The following PCDHA3 variants were observed in gnomAD, a reference collection of about 807,000 sequenced individuals.
PCDHA3 encodes protocadherin alpha 3, also known as protocadherin alpha-3.
In PCDHA3, 41 loss-of-function variants were observed where a neutral mutation model predicts 62.2. The observed-to-expected ratio is 0.66, with a 90% confidence interval of 0.51 to 0.86. The LOEUF (loss-of-function observed/expected upper bound fraction) is 0.86. Ranked by LOEUF, PCDHA3 falls within the 40% of genes least tolerant of loss-of-function variation. The pLI is 0.00. For missense variants in PCDHA3, 1,304 were observed against 1,241.2 expected, an observed-to-expected ratio of 1.05 and a Z score of -0.76; for synonymous variants, 640 against 555.4, an observed-to-expected ratio of 1.15 and a Z score of -2.14.
chr5:140,980,695 G>A (rs1403740157), intron 2 of PCDHA3, among the ~76,000 whole-genome samples: 1 of 149,792 alleles, frequency 6.7e-6, no homozygotes, highest in Non-Finnish European at 1.5e-5. Context: ...AAAAAAAAAA[G>A]CCAAATGTGC....
chr5:140,959,578 A>G (rs1554224156), intron 1 of PCDHA3, among the ~76,000 whole-genome samples: 1 of 152,188 alleles, frequency 6.6e-6, no homozygotes, highest in Non-Finnish European at 1.5e-5. Flanking sequence ...TTTTGTTTCA[A>G]TTCTATCAGC....
intron 3 of PCDHA3, among the ~76,000 whole-genome samples, chr5:141,008,546 A>G (rs2098381708): frequency 6.6e-6 from 1 of 150,382 alleles, no homozygotes; most frequent in Non-Finnish European, 1.5e-5. Flanking sequence ...TTTATTGAAA[A>G]CTCCTGTGGA....
chr5:140,821,522 C>A, intron 1 of PCDHA3: 3 of 409,570 alleles, frequency 7.3e-6, no homozygotes, highest in East Asian at 3.9e-5. Flanking sequence ...TAAAGCAAAA[C>A]AAAATAAAAC....
At chr5:140,878,103 G>GA (rs748975221) in intron 1 of PCDHA3, 34 of 261,730 alleles carry the variant, frequency 1.3e-4, no homozygotes, top group Non-Finnish European at 2.0e-4. Context: ...GATGAACCTT[G>GA]AAAAAAACAG....
At chr5:140,803,926 A>G (rs1763304913) in intron 1 of PCDHA3, 2 of 470,048 alleles carry the variant, frequency 4.3e-6, no homozygotes, top group South Asian at 2.6e-5. Flanking sequence ...CTTGTTTTAT[A>G]CTTATCCCTA....
chr5:140,882,450 C>T (rs781827745), intron 1 of PCDHA3: 2 of 1,613,990 alleles, frequency 1.2e-6, no homozygotes, highest in Non-Finnish European at 1.7e-6. Flanking sequence ...GAGCTGGTGC[C>T]GCGCCTGTTC....
intron 1 of PCDHA3, chr5:140,877,580 C>T (rs559831598): frequency 2.5e-6 from 4 of 1,613,804 alleles, no homozygotes; most frequent in African/African-American, 1.3e-5. Context: ...CTCATCATCG[C>T]CATCTGTGCG....
intron 1 of PCDHA3, chr5:140,809,439 C>G (rs1187355294): frequency 6.2e-7 from 1 of 1,614,202 alleles, no homozygotes; most frequent in East Asian, 2.2e-5. Flanking sequence ...TGGTCATACT[C>G]GCAGCAGAGG....
intron 1 of PCDHA3, chr5:140,808,398 A>G (rs781853303): frequency 1.9e-6 from 3 of 1,614,148 alleles, no homozygotes; most frequent in Non-Finnish European, 2.5e-6. Context: ...TTCAAGAATT[A>G]CTACTCGTTG....
At chr5:140,856,956 T>C (rs781976306) in intron 1 of PCDHA3, 1 of 1,593,360 alleles carries the variant, frequency 6.3e-7, no homozygotes, top group South Asian at 1.1e-5. Context: ...GAAATAAAAG[T>C]AAATGATGCT....
chr5:140,994,732 G>T (rs1159331502), intron 3 of PCDHA3, among the ~76,000 whole-genome samples: 3 of 152,114 alleles, frequency 2.0e-5, no homozygotes, highest in Non-Finnish European at 4.4e-5. Flanking sequence ...ACTGGGTATT[G>T]CAGGATGGCA....
intron 1 of PCDHA3, among the ~76,000 whole-genome samples, chr5:140,911,895 T>C (rs1289494210): frequency 1.3e-5 from 2 of 152,184 alleles, no homozygotes; most frequent in East Asian, 3.8e-4. Flanking sequence ...AAAATCTGTA[T>C]TAGTCAGAGC....
intron 1 of PCDHA3, among the ~76,000 whole-genome samples, chr5:140,942,273 G>C (rs1360564646): frequency 6.6e-6 from 1 of 152,132 alleles, no homozygotes; most frequent in South Asian, 2.1e-4. Context: ...AGCTGGTAAT[G>C]GTGGCTCATG....
rs782673373 is a variant in PCDHA3 at position 140,858,110 on chromosome 5, G to A, written c.2394+54519G>A. On this transcript the variant is annotated intron_variant, in intron 1 of 3. Transcript: ENST00000522353. ...GCGGGCTTCAGTGGGCGTGGCGCCC[G>A]AGGTGGCCCTGGTGGATGTCAACGT... 5.6e-6 allele frequency: 9 copies of A among 1,597,760 alleles called. 1 individual carries two copies. The highest frequency in any genetic ancestry group is 3.4e-5 in the Admixed American group (2 of 59,350).
At chr5:140,829,637 A>G in intron 1 of PCDHA3, 2 of 1,612,300 alleles carry the variant, frequency 1.2e-6, no homozygotes, top group Non-Finnish European at 1.7e-6. Context: ...GGAGAGCGGC[A>G]AGGTGTACGC....
Position 140,802,474 on chromosome 5 carries a change from C to G in PCDHA3, c.1277C>G (p.Thr426Ser), listed in dbSNP as rs1296125051. Reference protein sequence around the residue: ...ESVSAYELVVTARDGGSPSLW... With the variant: ...ESVSAYELVVSARDGGSPSLW... ...GTGTCGGCCTATGAGCTGGTGGTGA[C>G]TGCTCGGGACGGGGGCTCGCCTTCA... Residue 426 changes from threonine to serine, a missense_variant, in exon 1 of 4, where the codon ACT (threonine) becomes AGT (serine). Thr to Ser is a moderately conservative substitution (Grantham distance 58, BLOSUM62 1). Transcript: ENST00000522353. The G allele has an allele frequency of 1.9e-6, 3 of 1,614,108 alleles. No individual in the cohort carries two copies. In the African/African-American group the frequency reaches 4.0e-5, roughly 22 times the overall value.
intron 1 of PCDHA3, chr5:140,857,355 C>T: frequency 6.3e-7 from 1 of 1,598,292 alleles, no homozygotes. Flanking sequence ...CCGCTGTGGG[C>T]CACGGCCAGC....
intron 1 of PCDHA3, chr5:140,877,765 C>T (rs377126743): frequency 4.3e-6 from 7 of 1,614,176 alleles, no homozygotes; most frequent in Non-Finnish European, 5.1e-6. Context: ...AGAGAGCCCG[C>T]CCAAGACGGA....
intron 1 of PCDHA3, chr5:140,858,164 T>C: frequency 6.3e-7 from 1 of 1,597,740 alleles, no homozygotes; most frequent in Non-Finnish European, 8.6e-7. Context: ...CTGCGCGGTG[T>C]CCAGCTTGCT....
Sources: gnomAD v4.1 joint callset for allele counts (sites outside exome capture counted in the v4.1 genomes callset) on GRCh38, gnomAD v4.1.1 for gene constraint, MANE v1.5 for transcripts, NCBI Gene and HGNC (gene_info 2026-07-23, HGNC 2026-07-21) for gene names.